AUH: variants seen among roughly 807,000 people sequenced by gnomAD.
AUH encodes the protein AU RNA binding methylglutaconyl-CoA hydratase.
Under a neutral mutation model 42.3 loss-of-function variants are expected in AUH, and 29 were observed. That is an observed-to-expected ratio of 0.69 (90% confidence interval 0.51 to 0.93). The LOEUF is 0.93. Ranked by LOEUF, AUH falls within the 40% of genes least tolerant of loss-of-function variation. AUH has a pLI of 0.00. For synonymous variants in AUH, 174 were observed against 166.4 expected, an observed-to-expected ratio of 1.05 and a Z score of -0.35; for missense variants, 452 against 438.1, an observed-to-expected ratio of 1.03 and a Z score of -0.28.
chr9:91,317,015 CTGCA>C (rs1829209869), intron 4 of AUH, among the ~76,000 whole-genome samples: 1 of 152,214 alleles, frequency 6.6e-6, no homozygotes, highest in African/African-American at 2.4e-5. Context: ...CCCCAGCGAT[CTGCA>C]ATGCCACCTC....
intron 1 of AUH, among the ~76,000 whole-genome samples, chr9:91,356,432 T>C (rs1351659767): frequency 6.6e-6 from 1 of 152,238 alleles, no homozygotes; most frequent in Non-Finnish European, 1.5e-5. Context: ...CATCTTCAAG[T>C]AGATACCAAA....
intron 3 of AUH, among the ~76,000 whole-genome samples, chr9:91,339,773 T>C (rs372772852): frequency 3.3e-5 from 5 of 152,122 alleles, no homozygotes; most frequent in African/African-American, 1.2e-4. Context: ...ATATATGAAA[T>C]GGCTCAGCTA....
chr9:91,226,191 T>C (rs1267283732), intron 6 of AUH, among the ~76,000 whole-genome samples: 1 of 151,566 alleles, frequency 6.6e-6, no homozygotes, highest in Non-Finnish European at 1.5e-5. Flanking sequence ...TTCCCATTTC[T>C]CCACATCCTC....
Position 91,356,120 on chromosome 9 carries a change from T to G in AUH, c.298A>C (p.Lys100Gln). The stretch of plus-strand genomic sequence containing the variant: ...ATAAGATTTTTACTGAGTGAATTTT[T>G]GCCATAAGCTCTGTTTATTCCAAGC... ...VVLGINRAYGKNSLSKNLIKM... is the reference protein window; with the variant it reads ...VVLGINRAYGQNSLSKNLIKM... The change falls in exon 2 of 10, where the codon AAA becomes CAA. Residue 100 changes from lysine (K) to glutamine (Q), a missense_variant. Transcript: ENST00000375731. The G allele has an allele frequency of 6.2e-7, 1 of 1,613,844 alleles. No individual in the cohort carries two copies. Among genetic ancestry groups the G allele is most frequent in the Non-Finnish European group, 8.5e-7 (1 of 1,179,844 alleles).
chr9:91,355,883 C>A lies in AUH; in HGVS notation c.418G>T (p.Gly140Cys), dbSNP rs1832372270. 1 of 1,604,298 alleles carries A rather than the reference C, an allele frequency of 6.2e-7. No individual in the cohort carries two copies. The highest frequency in any genetic ancestry group is 8.5e-7 in the Non-Finnish European group (1 of 1,171,478). Residue 140 changes from glycine (G) to cysteine (C), a missense_variant and splice_region_variant, in exon 3 of 10, where the codon GGT (glycine) becomes TGT (cysteine). Coordinates refer to ENST00000375731, the MANE Select transcript of AUH (RefSeq NM_001698.3). ...RSEVPGIFCA[G>C]ADLKERAKMS... ...TTCATAATACAACATATTTACATAC[C>A]AGCACAGAATATCCCTGGGACTTCA...
intron 6 of AUH, among the ~76,000 whole-genome samples, chr9:91,283,048 G>A (rs1023220735): frequency 2.0e-5 from 3 of 151,804 alleles, no homozygotes; most frequent in South Asian, 4.2e-4. Flanking sequence ...ATGAACATCG[G>A]TGCAAAAATC....
chr9:91,333,649 T>C (rs1332738788), intron 3 of AUH, among the ~76,000 whole-genome samples: 1 of 152,246 alleles, frequency 6.6e-6, no homozygotes, highest in Non-Finnish European at 1.5e-5. Context: ...ATTTTACTCA[T>C]GCTGAGAAAA....
At chr9:91,273,752 T>C (rs918956632) in intron 6 of AUH, among the ~76,000 whole-genome samples, 5 of 152,186 alleles carry the variant, frequency 3.3e-5, no homozygotes, top group Non-Finnish European at 7.3e-5. Context: ...AAACCAGGCA[T>C]TGGCAGGGGG....
chr9:91,307,081 G>T (rs189388882), intron 4 of AUH, among the ~76,000 whole-genome samples: 22 of 152,310 alleles, frequency 1.4e-4, no homozygotes, highest in Non-Finnish European at 2.1e-4. Context: ...ATAAGTTGAG[G>T]GTAGCAGGGA....
Position 91,356,094 on chromosome 9 carries a change from T to C in AUH, c.324A>G (p.Ile108Met). The C allele has an allele frequency of 6.2e-7, 1 of 1,613,106 alleles. No homozygotes were observed. The stretch of plus-strand genomic sequence containing the variant: ...GTTTAATCTTTACACTCACCATTTT[T>C]ATAAGATTTTTACTGAGTGAATTTT... The part of the protein sequence containing the change: ...YGKNSLSKNL[I>M]KMLSKAVDAL... The change falls in exon 2 of 10, where the codon ATA becomes ATG. Residue 108 changes from isoleucine to methionine, a missense_variant. Transcript: ENST00000375731.
At chr9:91,284,683 T>C (rs1199596350) in intron 6 of AUH, among the ~76,000 whole-genome samples, 1 of 151,898 alleles carries the variant, frequency 6.6e-6, no homozygotes, top group East Asian at 1.9e-4. Flanking sequence ...TCAAAAGACA[T>C]TCATGCAGCC....
At chr9:91,346,666 C>T (rs1295251239) in intron 3 of AUH, among the ~76,000 whole-genome samples, 1 of 152,078 alleles carries the variant, frequency 6.6e-6, no homozygotes, top group Non-Finnish European at 1.5e-5. Context: ...GGGTATCCAA[C>T]AATTCAGTTA....
intron 6 of AUH, among the ~76,000 whole-genome samples, chr9:91,275,759 G>A (rs1037633356): frequency 2.0e-5 from 3 of 152,214 alleles, no homozygotes; most frequent in East Asian, 1.9e-4. Flanking sequence ...GTGATCAAGT[G>A]TAATTATTAA....
chr9:91,349,406 T>C (rs1452837024), intron 3 of AUH, among the ~76,000 whole-genome samples: 2 of 152,224 alleles, frequency 1.3e-5, no homozygotes, highest in Admixed American at 1.3e-4. Flanking sequence ...TCTCAGTAAT[T>C]TCTCACAAAA....
chr9:91,257,946 A>G (rs1429177320), intron 6 of AUH, among the ~76,000 whole-genome samples: 21 of 152,194 alleles, frequency 1.4e-4, no homozygotes, highest in Non-Finnish European at 1.5e-5. Context: ...CATGTTTGGT[A>G]GTTTTGAGTC....
Position 91,361,845 on chromosome 9 carries a change from C to T in AUH, c.45G>A (p.Leu15=), listed in dbSNP as rs1832892967. ...CCACCAGGCGGGCGCCGCCAGCATG[C>T]AGGGATCCCAAGGCCCCAGGTGCCG... The part of the protein sequence containing the change: ...VAAAPGALGS[L]HAGGARLVAA... Residue 15 remains leucine, a synonymous_variant, in exon 1 of 10, where the codon CTG becomes CTA. Transcript: ENST00000375731. The T allele has an allele frequency of 4.0e-6, 6 of 1,494,180 alleles. No homozygotes were observed. Among genetic ancestry groups the T allele is most frequent in the South Asian group, 1.3e-5 (1 of 79,122 alleles). 92.6% of individuals were successfully genotyped at this position (1,494,180 alleles called of 1,614,324 possible). A position where few individuals can be genotyped will look rare whatever the true frequency, so the allele number is the denominator to read the frequency against.
At chr9:91,286,381 T>A (rs1209891600) in intron 6 of AUH, among the ~76,000 whole-genome samples, 2 of 152,124 alleles carry the variant, frequency 1.3e-5, no homozygotes, top group East Asian at 3.9e-4. Context: ...CTTTTTCTGG[T>A]TCCATGAAAC....
At chr9:91,260,899 A>G (rs1331389962) in intron 6 of AUH, among the ~76,000 whole-genome samples, 1 of 152,146 alleles carries the variant, frequency 6.6e-6, no homozygotes, top group Non-Finnish European at 1.5e-5. Flanking sequence ...TACAGTACCT[A>G]ATCTGCTGTT....
At chr9:91,263,549 C>T (rs1829812234) in intron 6 of AUH, among the ~76,000 whole-genome samples, 1 of 152,132 alleles carries the variant, frequency 6.6e-6, no homozygotes, top group African/African-American at 2.4e-5. Flanking sequence ...CATTATAGGT[C>T]TAGATTAGTG....
Sources: gnomAD v4.1 joint callset for allele counts (sites outside exome capture counted in the v4.1 genomes callset) on GRCh38, gnomAD v4.1.1 for gene constraint, MANE v1.5 for transcripts, NCBI Gene and HGNC (gene_info 2026-07-23, HGNC 2026-07-21) for gene names.